The following PCDHGA11 variants were observed in gnomAD, a reference collection of about 807,000 sequenced individuals.
The protein encoded by PCDHGA11 is protocadherin gamma-A11.
In PCDHGA11, 39 loss-of-function variants were observed where a neutral mutation model predicts 60.4. The observed-to-expected ratio is 0.65, with a 90% CI of 0.50 to 0.84. The LOEUF is 0.84. Among genes scored for constraint, PCDHGA11 ranks in the 40% least tolerant of loss-of-function variants. The pLI, the probability that PCDHGA11 is intolerant of heterozygous loss-of-function variation, is 0.00. For synonymous variants in PCDHGA11, 533 were observed against 510.3 expected (o/e 1.04, Z -0.60); for missense variants, 1,165 against 1,197.7 (o/e 0.97, Z 0.40).
At chr5:141,427,386 A>G (rs2097020887) in intron 1 of PCDHGA11, 1 of 459,098 alleles carries the variant, frequency 2.2e-6, no homozygotes, top group Non-Finnish European at 4.4e-6. Context: ...CACTCTGTTC[A>G]AAACACATGA....
At position 141,492,010 on chromosome 5, in the gene PCDHGA11, G is replaced by A. The variant is rs2099736138; in HGVS notation, c.2434-2797G>A. 2 of 617,370 alleles carry A rather than the reference G, an allele frequency of 3.2e-6. 1 individual carries two copies. Among genetic ancestry groups the A allele is most frequent in the Middle Eastern group, 8.7e-4 (2 of 2,312 alleles). The allele number at this position is 617,370 out of a possible 1,614,324, so 38.2% of individuals were successfully genotyped here. On this transcript the variant is annotated intron_variant, in intron 1 of 3. Transcript: ENST00000398587. Reference sequence around the variant, plus strand: ...GGTGAATTTCGGGCGATTTCCGCGGGTGTCGGGGGTCCCGGGAGGAGGCAG... The same window carrying A: ...GGTGAATTTCGGGCGATTTCCGCGGATGTCGGGGGTCCCGGGAGGAGGCAG...
chr5:141,430,673 C>A, intron 1 of PCDHGA11: 1 of 1,288,318 alleles, frequency 7.8e-7, no homozygotes, highest in Non-Finnish European at 1.0e-6. Flanking sequence ...TCTGACTTCC[C>A]AACTGTCCCA....
At chr5:141,437,016 T>G (rs1025489534) in intron 1 of PCDHGA11, among the ~76,000 whole-genome samples, 1 of 152,254 alleles carries the variant, frequency 6.6e-6, no homozygotes, top group Non-Finnish European at 1.5e-5. Flanking sequence ...TTAGATAATT[T>G]CACCAGAAAA....
intron 1 of PCDHGA11, chr5:141,441,674 CT>C: frequency 3.4e-6 from 1 of 293,692 alleles, no homozygotes; most frequent in Non-Finnish European, 6.7e-6. Flanking sequence ...CACAGTGCGC[CT>C]TCGACCAAGA....
Position 141,489,653 on chromosome 5 carries a change from G to A in PCDHGA11, c.2434-5154G>A, listed in dbSNP as rs752269910. 2.0e-5 allele frequency: 33 copies of A among 1,614,164 alleles called. No individual in the cohort carries two copies. In the East Asian group the frequency reaches 4.9e-4, roughly 24 times the overall value. ...TCTCCTAGCTTTGCCACCCCTGAGC[G>A]AGAGATGCGCATCTCAGAATCAGCA... On this transcript the variant is annotated intron_variant, in intron 1 of 3. Transcript: ENST00000398587. This position sits in a 1 kb window ranked among gnomAD's most constrained non-coding sequence, Gnocchi z 4.5.
chr5:141,483,588 A>G (rs2099583207), intron 1 of PCDHGA11, among the ~76,000 whole-genome samples: 1 of 152,112 alleles, frequency 6.6e-6, no homozygotes, highest in African/African-American at 2.4e-5. Flanking sequence ...AACACCTAAT[A>G]GGTCAGGCTG....
chr5:141,447,428 G>C (rs542079336), intron 1 of PCDHGA11, among the ~76,000 whole-genome samples: 1 of 152,184 alleles, frequency 6.6e-6, no homozygotes, highest in African/African-American at 2.4e-5. Flanking sequence ...GTGAGCCACC[G>C]CACCCGGAGG....
intron 3 of PCDHGA11, among the ~76,000 whole-genome samples, chr5:141,510,272 TAAAAAA>T (rs546154379): frequency 7.7e-6 from 1 of 130,390 alleles, no homozygotes; most frequent in Non-Finnish European, 1.6e-5. Context: ...GACTCCATCT[TAAAAAA>T]AAAAAAAAAA....
chr5:141,460,467 AG>A (rs1303418429), intron 1 of PCDHGA11, among the ~76,000 whole-genome samples: 1 of 152,114 alleles, frequency 6.6e-6, no homozygotes, highest in African/African-American at 2.4e-5. Flanking sequence ...TTTTTTCCAA[AG>A]GAATATCCAA....
At chr5:141,461,133 T>C (rs2099009646) in intron 1 of PCDHGA11, among the ~76,000 whole-genome samples, 1 of 152,086 alleles carries the variant, frequency 6.6e-6, no homozygotes, top group South Asian at 2.1e-4. Flanking sequence ...TAATTACTTA[T>C]TTTCCTTTGG....
In PCDHGA11 at chr5:141,476,850, A is replaced by G. The variant is rs747333239; in HGVS notation, c.2434-17957A>G. The G allele has an allele frequency of 1.2e-6, 2 of 1,613,836 alleles. No individual in the cohort carries two copies. Among genetic ancestry groups the G allele is most frequent in the Admixed American group, 3.3e-5 (2 of 60,030 alleles). ...GCGAATGACAATGCGCCTGTCTTCA[A>G]CCAGTCCTTGTACCGGGCGCGCGTC... is the stretch of plus-strand genomic sequence containing the variant. On this transcript the variant is annotated intron_variant, in intron 1 of 3. Transcript: ENST00000398587. The surrounding 1 kb of genome is among the most constrained non-coding windows in gnomAD (Gnocchi z 7.6).
rs200646513 is a variant in PCDHGA11 at position 141,421,389 on chromosome 5, G to T, written c.162G>T (p.Gly54=). 1 of 1,613,934 alleles carries T rather than the reference G, an allele frequency of 6.2e-7. No individual in the cohort carries two copies. Among genetic ancestry groups the T allele is most frequent in the African/African-American group, 1.3e-5 (1 of 74,956 alleles). ...TGGGCAATATCTCCAAGGACCTGGG[G>T]CTGGAGCCCCGGGAGCTGGCGAAGC... ...SFVGNISKDL[G]LEPRELAKRG... The change falls in exon 1 of 4, where the codon GGG becomes GGT. Residue 54 remains glycine (G), a synonymous_variant. Coordinates refer to ENST00000398587, the MANE Select transcript of PCDHGA11 (RefSeq NM_018914.3).
intron 2 of PCDHGA11, among the ~76,000 whole-genome samples, chr5:141,501,420 T>C (rs1429838126): frequency 6.6e-6 from 1 of 152,006 alleles, no homozygotes; most frequent in Non-Finnish European, 1.5e-5. Context: ...AATAGTTGAC[T>C]AAATGTAGTC....
chr5:141,429,534 A>G (rs1036595279), intron 1 of PCDHGA11, among the ~76,000 whole-genome samples: 1 of 152,222 alleles, frequency 6.6e-6, no homozygotes. Context: ...GCTTAAAAAA[A>G]TAAGAACATG....
Position 141,487,252 on chromosome 5 carries a change from G to T in PCDHGA11, c.2434-7555G>T. ...GAGAATCTCGTCTAACCCTCTACTT[G>T]GCTGTGTCCCTAGTGGCAATTTGCT... On this transcript the variant is annotated intron_variant, in intron 1 of 3. Transcript: ENST00000398587. The surrounding 1 kb of genome is among the most constrained non-coding windows in gnomAD (Gnocchi z 5.0). 1 of 1,614,110 alleles carries T rather than the reference G, an allele frequency of 6.2e-7. No homozygotes were observed. The highest frequency in any genetic ancestry group is 8.5e-7 in the Non-Finnish European group (1 of 1,180,014).
chr5:141,441,883 A>T, intron 1 of PCDHGA11: 1 of 343,546 alleles, frequency 2.9e-6, no homozygotes, highest in South Asian at 2.6e-5. Context: ...CTACCTGGTC[A>T]CCAAGGTGGT....
At position 141,464,471 on chromosome 5, in the gene PCDHGA11, G is replaced by A. The variant is rs142068327; in HGVS notation, c.2434-30336G>A. On this transcript the variant is annotated intron_variant, in intron 1 of 3. Coordinates refer to ENST00000398587, the MANE Select transcript of PCDHGA11 (RefSeq NM_018914.3). ...TTGTTGTTATTTTTGAAGTATGTAC[G>A]TATAATAAATTCCTAATAGTGTGAT... Among the ~76,000 whole-genome samples, 204 of 151,612 alleles carry A rather than the reference G, an allele frequency of 1.3e-3. 1 individual carries two copies. The highest frequency in any genetic ancestry group is 2.3e-3 in the Non-Finnish European group (156 of 67,928).
Position 141,422,014 on chromosome 5 carries a change from C to A in PCDHGA11, c.787C>A (p.Leu263Met). The A allele has an allele frequency of 6.2e-7, 1 of 1,610,158 alleles. No individual in the cohort carries two copies. The highest frequency in any genetic ancestry group is 8.5e-7 in the Non-Finnish European group (1 of 1,178,386). ...PENISSGTRV[L>M]MVNATDPDEG... ...AAACATCAGCTCCGGAACTCGGGTG[C>A]TGATGGTTAATGCAACGGATCCAGA... The change falls in exon 1 of 4, where the codon CTG becomes ATG. Residue 263 changes from leucine (L) to methionine (M), a missense_variant. Transcript: ENST00000398587.
chr5:141,497,540 CTTT>C (rs754207034), intron 2 of PCDHGA11, among the ~76,000 whole-genome samples: 11 of 134,886 alleles, frequency 8.2e-5, no homozygotes, highest in African/African-American at 1.9e-4. Context: ...TGCAACAAAC[CTTT>C]TTTTTTTTTT....
Sources: allele counts gnomAD v4.1 joint callset (sites outside exome capture counted in the v4.1 genomes callset), GRCh38; gene constraint gnomAD v4.1.1; non-coding constraint Gnocchi (gnomAD v3.1); transcripts MANE v1.5; gene names NCBI Gene and HGNC (gene_info 2026-07-23, HGNC 2026-07-21).